PXDC1: variants seen among roughly 807,000 people sequenced by gnomAD.
PXDC1 encodes the protein PX domain-containing protein 1.
Under a neutral mutation model 24.4 loss-of-function variants are expected in PXDC1, and 13 were observed. The observed-to-expected ratio is 0.53, with a 90% CI of 0.35 to 0.85. The LOEUF (loss-of-function observed/expected upper bound fraction) is 0.85. PXDC1 is among the 40% of genes least tolerant of loss of function. The probability of loss-of-function intolerance (pLI) is 0.01; values close to 1 mark genes in which losing one functional copy is unlikely to be tolerated. For synonymous variants in PXDC1, 162 were observed against 124.9 expected, an observed-to-expected ratio of 1.30 and a Z score of -1.98; for missense variants, 344 against 309.3, an observed-to-expected ratio of 1.11 and a Z score of -0.84.
At chr6:3,741,382 G>C (rs1760445925) in intron 1 of PXDC1, among the ~76,000 whole-genome samples, 1 of 152,176 alleles carries the variant, frequency 6.6e-6, no homozygotes, top group African/African-American at 2.4e-5. Flanking sequence ...TGAAGAGCTG[G>C]AATCCCTGCC....
rs1378565823 is a variant in PXDC1, at chr6:3,724,292, C to T, written c.579-556G>A. On this transcript the variant is annotated intron_variant, in intron 4 of 4. Coordinates refer to ENST00000380283, the MANE Select transcript of PXDC1 (RefSeq NM_183373.4). This position sits in a 1 kb window ranked among gnomAD's most constrained non-coding sequence, Gnocchi z 4.5. ...CATGTGGGTACGTGTTTCATTCGCG[C>T]TCTGGCAGATGAGAAGCATCCGAAC... Among the ~76,000 whole-genome samples, 1 of 152,036 alleles carries T rather than the reference C, an allele frequency of 6.6e-6. No homozygotes were observed. The highest frequency in any genetic ancestry group is 2.4e-5 in the African/African-American group (1 of 41,388).
At chr6:3,730,335 G>A (rs1194176652) in intron 3 of PXDC1, among the ~76,000 whole-genome samples, 1 of 152,220 alleles carries the variant, frequency 6.6e-6, no homozygotes, top group Non-Finnish European at 1.5e-5. Context: ...GGTTCAGAAA[G>A]GGATGGTTTA....
Position 3,751,414 on chromosome 6 carries a change from CGAA to C in PXDC1, c.115_117del (p.Phe39del), listed in dbSNP as rs1760716023. 1 of 1,581,348 alleles carries C rather than the reference CGAA, an allele frequency of 6.3e-7. No individual in the cohort carries two copies. Among genetic ancestry groups the C allele is most frequent in the Non-Finnish European group, 8.6e-7 (1 of 1,164,790 alleles). On this transcript the variant is annotated inframe_deletion, in exon 1 of 5. Coordinates refer to ENST00000380283, the MANE Select transcript of PXDC1 (RefSeq NM_183373.4). ...CGGTCCGACCACTCCGTGCGGATCT[CGAA>C]GAACTCCTCTTCGTCGCCGCGCCGG...
At chr6:3,735,890 T>C (rs1015942689) in intron 3 of PXDC1, among the ~76,000 whole-genome samples, 1 of 152,186 alleles carries the variant, frequency 6.6e-6, no homozygotes, top group Non-Finnish European at 1.5e-5. Flanking sequence ...AATAATTATG[T>C]GTCAGTAAAA....
intron 3 of PXDC1, among the ~76,000 whole-genome samples, chr6:3,732,893 G>A (rs1488007679): frequency 1.3e-5 from 2 of 152,244 alleles, no homozygotes; most frequent in African/African-American, 4.8e-5. Flanking sequence ...TGGAGGAGGA[G>A]GGTGGATGTG....
chr6:3,732,105 C>T (rs1441524976), intron 3 of PXDC1, among the ~76,000 whole-genome samples: 1 of 152,228 alleles, frequency 6.6e-6, no homozygotes, highest in African/African-American at 2.4e-5. Flanking sequence ...TTTTTTGCAA[C>T]AATTACCAAT....
Position 3,751,710 on chromosome 6 carries a change from G to A in PXDC1, c.-179C>T. 1 of 933,096 alleles carries A rather than the reference G, an allele frequency of 1.1e-6. No homozygotes were observed. Among genetic ancestry groups the A allele is most frequent in the Non-Finnish European group, 1.4e-6 (1 of 727,736 alleles). The allele number at this position is 933,096 out of a possible 1,614,324, so 57.8% of individuals were successfully genotyped here. Reference sequence around the variant, plus strand: ...CGGGGCAGCGGGGCGGCGCGGCGGCGAGTGGCTCGGGCCGGCCGGGCGCGG... The same window carrying A: ...CGGGGCAGCGGGGCGGCGCGGCGGCAAGTGGCTCGGGCCGGCCGGGCGCGG... On this transcript the variant is annotated 5_prime_UTR_variant, in exon 1 of 5. Coordinates refer to ENST00000380283, the MANE Select transcript of PXDC1 (RefSeq NM_183373.4).
At position 3,751,482 on chromosome 6, in the gene PXDC1, C is replaced by T. The variant is rs757108938; in HGVS notation, c.50G>A (p.Arg17His). Reference sequence around the variant, plus strand: ...GCGGATGCCGTTCACCCAGCAGCCGCGCACGAACATGTTCACGAGCGACGT... The same window carrying T: ...GCGGATGCCGTTCACCCAGCAGCCGTGCACGAACATGTTCACGAGCGACGT... Reference protein sequence around the residue: ...EGTSLVNMFVRGCWVNGIRRL... With the variant: ...EGTSLVNMFVHGCWVNGIRRL... The change falls in exon 1 of 5, where the codon CGC becomes CAC. Residue 17 changes from arginine to histidine, a missense_variant. Arg to His is a conservative substitution (Grantham distance 29). Coordinates refer to ENST00000380283, the MANE Select transcript of PXDC1 (RefSeq NM_183373.4). 2 of 1,604,448 alleles carry T rather than the reference C, an allele frequency of 1.2e-6. No homozygotes were observed. Among genetic ancestry groups the T allele is most frequent in the South Asian group, 1.1e-5 (1 of 89,388 alleles).
chr6:3,723,781 A>T (rs1759994589), intron 4 of PXDC1, 45 bp from the exon 5 acceptor site: 1 of 1,492,748 alleles, frequency 6.7e-7, no homozygotes, highest in Non-Finnish European at 9.3e-7. Flanking sequence ...CATTGTTGGG[A>T]TCAACACCAA....
At chr6:3,730,619 G>A (rs995955458) in intron 3 of PXDC1, among the ~76,000 whole-genome samples, 14 of 152,176 alleles carry the variant, frequency 9.2e-5, no homozygotes, top group African/African-American at 1.2e-4. Context: ...CCTGTGCCCC[G>A]TTTCAACCAC....
rs144293957 is a variant in PXDC1, at chr6:3,729,626, G to A, written c.467-1964C>T. The stretch of plus-strand genomic sequence containing the variant: ...CAAAGCCTCGCTGAACAGGCGGACT[G>A]TGAAAACTGCCATATCCTAACAAGA... On this transcript the variant is annotated intron_variant, in intron 3 of 4. Transcript: ENST00000380283. Among the ~76,000 whole-genome samples the A allele has an allele frequency of 1.3e-3, 194 of 152,350 alleles. 4 individuals carry two copies. In the East Asian group the frequency reaches 0.033, roughly 26 times the overall value.
chr6:3,749,460 C>T lies in PXDC1; in HGVS notation c.256+1816G>A, dbSNP rs763503296. ...TCTTCACTCTTTTGAGCCACTCCTG[C>T]GTGTCCACACAGCTTGTGACCGCGT... On this transcript the variant is annotated intron_variant, in intron 1 of 4. Coordinates refer to ENST00000380283, the MANE Select transcript of PXDC1 (RefSeq NM_183373.4). Among the ~76,000 whole-genome samples, 4 of 147,944 alleles carry T rather than the reference C, an allele frequency of 2.7e-5. No homozygotes were observed. The East Asian group carries it at 8.0e-4, about 29-fold the overall frequency.
rs1208210179 is a variant in PXDC1 at position 3,723,473 on chromosome 6, C to T, written c.*146G>A. ...AGCCCCTGCTGCTCCACTTGCAGGA[C>T]ACCCAGGCCTCCTGGCGTCAGTGGG... On this transcript the variant is annotated 3_prime_UTR_variant, in exon 5 of 5. Coordinates refer to ENST00000380283, the MANE Select transcript of PXDC1 (RefSeq NM_183373.4). 8 of 690,582 alleles carry T rather than the reference C, an allele frequency of 1.2e-5. No homozygotes were observed. Among genetic ancestry groups the T allele is most frequent in the Admixed American group, 4.6e-5 (2 of 43,582 alleles). 42.8% of individuals were successfully genotyped at this position (690,582 alleles called of 1,614,324 possible). A position where few individuals can be genotyped will look rare whatever the true frequency, so the allele number is the denominator to read the frequency against.
rs1304835044 is a variant in PXDC1 at position 3,723,103 on chromosome 6, C to T, written c.*516G>A. ...AAAGAAAAAAAAAAAGGCCACATAT[C>T]CCAGTTCTCAGAGAAATCCTGGATT... On this transcript the variant is annotated 3_prime_UTR_variant, in exon 5 of 5. Coordinates refer to ENST00000380283, the MANE Select transcript of PXDC1 (RefSeq NM_183373.4). 6.5e-6 allele frequency: 1 copy of T among 153,396 alleles called. No individual in the cohort carries two copies. The highest frequency in any genetic ancestry group is 1.4e-5 in the Non-Finnish European group (1 of 68,986). The allele number at this position is 153,396 out of a possible 1,614,324, so 9.5% of individuals were successfully genotyped here. A position where few individuals can be genotyped will look rare whatever the true frequency, so the allele number is the denominator to read the frequency against.
At chr6:3,747,059 C>T (rs979392951) in intron 1 of PXDC1, among the ~76,000 whole-genome samples, 1 of 152,050 alleles carries the variant, frequency 6.6e-6, no homozygotes, top group Non-Finnish European at 1.5e-5. Flanking sequence ...CATGGGCTGG[C>T]GGGCTTGTGA....
intron 4 of PXDC1, 75 bp from the exon 5 acceptor site, chr6:3,723,811 G>C: frequency 2.5e-6 from 3 of 1,192,356 alleles, no homozygotes; most frequent in East Asian, 4.7e-5. Context: ...GGGACCATGA[G>C]CATGACTTTC....
At chr6:3,747,497 C>T (rs539777555) in intron 1 of PXDC1, among the ~76,000 whole-genome samples, 1 of 152,288 alleles carries the variant, frequency 6.6e-6, no homozygotes, top group South Asian at 2.1e-4. Context: ...CCACACCAGC[C>T]ACCGTACCTC....
intron 1 of PXDC1, among the ~76,000 whole-genome samples, chr6:3,750,063 G>A (rs1288659832): frequency 6.6e-6 from 1 of 152,282 alleles, no homozygotes; most frequent in Non-Finnish European, 1.5e-5. Flanking sequence ...AGGCCTGAAA[G>A]GCGGGCCTTC....
chr6:3,743,481 C>A (rs1156956259), intron 1 of PXDC1, among the ~76,000 whole-genome samples: 1 of 151,940 alleles, frequency 6.6e-6, no homozygotes, highest in East Asian at 1.9e-4. Flanking sequence ...GTATGCTGCA[C>A]GGGAGACACA....
Sources: gnomAD v4.1 joint callset for allele counts (sites outside exome capture counted in the v4.1 genomes callset) on GRCh38, gnomAD v4.1.1 for gene constraint, Gnocchi (gnomAD v3.1) non-coding constraint, MANE v1.5 for transcripts, NCBI Gene and HGNC (gene_info 2026-07-23, HGNC 2026-07-21) for gene names.